Variants in RARB observed in about 807,000 individuals in gnomAD.
RARB encodes the protein retinoic acid receptor beta.
Under a neutral mutation model 51.9 loss-of-function variants are expected in RARB, and 17 were observed. The observed-to-expected ratio is 0.33, with a 90% confidence interval of 0.22 to 0.49. The LOEUF (loss-of-function observed/expected upper bound fraction) is 0.49. RARB is among the 20% of genes least tolerant of loss of function. The probability of loss-of-function intolerance (pLI) is 0.99; values close to 1 mark genes in which losing one functional copy is unlikely to be tolerated. For synonymous variants in RARB, 215 were observed against 195.4 expected (o/e 1.10, Z -0.84); for missense variants, 369 against 550.8 (o/e 0.67, Z 3.30).
chr3:25,390,915 A>G (rs1398084849), intron 5 of RARB, among the ~76,000 whole-genome samples: 1 of 151,854 alleles, frequency 6.6e-6, no homozygotes, highest in Admixed American at 6.6e-5. Context: ...TTTTAATTTC[A>G]ATAGGTTTTG....
chr3:24,859,504 A>G (rs918586715), intron 2 of RARB, among the ~76,000 whole-genome samples: 2 of 152,172 alleles, frequency 1.3e-5, no homozygotes, highest in South Asian at 2.1e-4. Flanking sequence ...CTCTTGCTTT[A>G]GAAGGTTTTG....
chr3:24,875,935 A>C (rs1703035276), intron 2 of RARB, among the ~76,000 whole-genome samples: 1 of 152,058 alleles, frequency 6.6e-6, no homozygotes, highest in Non-Finnish European at 1.5e-5. Flanking sequence ...ACTTTTGAAA[A>C]GTAATAGTTG....
At chr3:25,329,845 G>T (rs1053997066) in intron 5 of RARB, among the ~76,000 whole-genome samples, 1 of 152,106 alleles carries the variant, frequency 6.6e-6, no homozygotes. Flanking sequence ...TAAAAACCAT[G>T]GCACGAGAAC....
chr3:25,463,166 C>G (rs60107328), intron 2 of RARB, among the ~76,000 whole-genome samples: 40,754 of 151,744 alleles, frequency 0.27, 5,844 homozygotes, highest in African/African-American at 0.37. Context: ...AGCCACCACG[C>G]CCAGCCCCAC....
At chr3:25,297,649 G>A (rs1703948214) in intron 5 of RARB, among the ~76,000 whole-genome samples, 1 of 151,900 alleles carries the variant, frequency 6.6e-6, no homozygotes, top group African/African-American at 2.4e-5. Context: ...TCCTTTATCA[G>A]CGTAATTATA....
intron 5 of RARB, among the ~76,000 whole-genome samples, chr3:25,371,214 C>T (rs752794460): frequency 6.6e-6 from 1 of 152,106 alleles, no homozygotes; most frequent in African/African-American, 2.4e-5. Context: ...GAGCTGTGCC[C>T]TCATGAATGG....
chr3:25,288,179 T>C (rs1423350450), intron 5 of RARB, among the ~76,000 whole-genome samples: 8 of 152,140 alleles, frequency 5.3e-5, no homozygotes, highest in Admixed American at 5.2e-4. Flanking sequence ...CCAGGGTAGG[T>C]TATAGGTGAT....
chr3:25,448,299 A>G (rs1426541368), intron 1 of RARB, among the ~76,000 whole-genome samples: 1 of 152,050 alleles, frequency 6.6e-6, no homozygotes, highest in Non-Finnish European at 1.5e-5. Flanking sequence ...TCTTTGAATT[A>G]TTTTTTCAAG....
chr3:25,333,484 C>G lies in RARB; in HGVS notation c.179-127709C>G, dbSNP rs545261527. 4.8e-3 allele frequency among the ~76,000 whole-genome samples: 735 copies of G among 152,032 alleles called. 6 individuals are homozygous for G. Among genetic ancestry groups the G allele is most frequent in the Non-Finnish European group, 7.6e-3 (519 of 67,862 alleles). On this transcript the variant is annotated intron_variant, in intron 5 of 11. Coordinates refer to the RARB transcript ENST00000383772. ...AAACTGGCTAGCCATATGTAGAAAGCTGAAACTGGATCCCTTCCTTACACC... is the reference window on the plus strand; with the variant it reads ...AAACTGGCTAGCCATATGTAGAAAGGTGAAACTGGATCCCTTCCTTACACC...
At chr3:25,097,172 G>C (rs1425399725) in intron 3 of RARB, among the ~76,000 whole-genome samples, 1 of 152,152 alleles carries the variant, frequency 6.6e-6, no homozygotes, top group Non-Finnish European at 1.5e-5. Context: ...TGCCATGAAT[G>C]AAAGAACCAC....
intron 2 of RARB, among the ~76,000 whole-genome samples, chr3:24,968,907 T>A (rs1467895273): frequency 1.3e-5 from 2 of 152,128 alleles, no homozygotes; most frequent in African/African-American, 4.8e-5. Context: ...TTCAGATTCA[T>A]ATAAATCAAT....
At chr3:25,161,523 G>C (rs1162590428) in intron 4 of RARB, among the ~76,000 whole-genome samples, 1 of 152,048 alleles carries the variant, frequency 6.6e-6, no homozygotes. Context: ...ATGTAGAATT[G>C]TAAATTAACG....
chr3:25,162,642 A>G (rs958253016), intron 4 of RARB, among the ~76,000 whole-genome samples: 2 of 152,152 alleles, frequency 1.3e-5, no homozygotes, highest in Admixed American at 6.5e-5. Context: ...AGATTTGCCT[A>G]TTTTAGACAT....
intron 2 of RARB, among the ~76,000 whole-genome samples, chr3:24,935,254 A>G (rs1010130858): frequency 6.6e-6 from 1 of 152,132 alleles, no homozygotes; most frequent in Non-Finnish European, 1.5e-5. Context: ...GTCATCCTAC[A>G]TGTGTATATT....
At chr3:25,144,064 C>T (rs1308412614) in intron 4 of RARB, among the ~76,000 whole-genome samples, 1 of 152,186 alleles carries the variant, frequency 6.6e-6, no homozygotes, top group Non-Finnish European at 1.5e-5. Context: ...TTGCATTCCT[C>T]TTTAACCAGG....
intron 2 of RARB, among the ~76,000 whole-genome samples, chr3:25,049,822 C>A (rs1488632587): frequency 6.6e-6 from 1 of 152,182 alleles, no homozygotes; most frequent in Non-Finnish European, 1.5e-5. Context: ...CTTGAAACTG[C>A]CCAGTGTACT....
At chr3:25,183,589 G>A (rs961042423) in intron 5 of RARB, among the ~76,000 whole-genome samples, 6 of 152,126 alleles carry the variant, frequency 3.9e-5, no homozygotes, top group Non-Finnish European at 7.4e-5. Flanking sequence ...TTCAGTCACC[G>A]AGGGATTATT....
At chr3:25,012,430 C>T (rs926852257) in intron 2 of RARB, among the ~76,000 whole-genome samples, 3 of 152,076 alleles carry the variant, frequency 2.0e-5, no homozygotes, top group Non-Finnish European at 4.4e-5. Context: ...CTAACAAGCT[C>T]CATGTGCATC....
At chr3:24,955,305 C>T (rs1259625171) in intron 2 of RARB, among the ~76,000 whole-genome samples, 1 of 152,150 alleles carries the variant, frequency 6.6e-6, no homozygotes, top group African/African-American at 2.4e-5. Flanking sequence ...AGTTGTTTCT[C>T]CTCTTAACAA....
Sources: allele counts gnomAD v4.1 joint callset (sites outside exome capture counted in the v4.1 genomes callset), GRCh38; gene constraint gnomAD v4.1.1; transcripts MANE v1.5; gene names NCBI Gene and HGNC (gene_info 2026-07-23, HGNC 2026-07-21).